Variants in SUGCT observed in about 807,000 individuals in gnomAD.
SUGCT encodes succinyl-CoA:glutarate CoA-transferase.
A neutral mutation model predicts 55.0 loss-of-function variants in SUGCT; 41 were observed. That is an observed-to-expected ratio of 0.74 (90% CI 0.58 to 0.97). The LOEUF (loss-of-function observed/expected upper bound fraction) is 0.97, where lower values mean the gene tolerates loss of function less well. Among genes scored for constraint, SUGCT ranks in the 50% least tolerant of loss-of-function variants. The probability of loss-of-function intolerance (pLI) is 0.00; values close to 1 mark genes in which losing one functional copy is unlikely to be tolerated. For synonymous variants in SUGCT, 187 were observed against 200.4 expected (o/e 0.93, Z 0.56); for missense variants, 568 against 547.8 (o/e 1.04, Z -0.37).
intron 13 of SUGCT, among the ~76,000 whole-genome samples, chr7:40,838,027 C>T (rs920735119): frequency 6.6e-5 from 10 of 152,164 alleles, no homozygotes; most frequent in African/African-American, 2.2e-4. Context: ...TCTATTTAAT[C>T]GCCTTTGCAC....
At chr7:40,984,872 C>T in the SUGCT span, among the ~76,000 whole-genome samples, 2 of 152,130 alleles carry the variant, frequency 1.3e-5, no homozygotes, top group African/African-American at 2.4e-5. Flanking sequence ...TGTTAGGAAA[C>T]GAAATGCAGG....
the SUGCT span, among the ~76,000 whole-genome samples, chr7:40,890,463 C>T: frequency 1.3e-5 from 2 of 151,608 alleles, no homozygotes; most frequent in African/African-American, 4.9e-5. Flanking sequence ...CTTGGCTCAC[C>T]CCCATGGACC....
chr7:40,374,421 G>A (rs1164230899), intron 9 of SUGCT, among the ~76,000 whole-genome samples: 3 of 152,094 alleles, frequency 2.0e-5, no homozygotes, highest in Non-Finnish European at 4.4e-5. Flanking sequence ...GAGCGTTCAA[G>A]CTCCACTTTC....
chr7:41,016,258 T>C, the SUGCT span, among the ~76,000 whole-genome samples: 1 of 152,200 alleles, frequency 6.6e-6, no homozygotes, highest in South Asian at 2.1e-4. Flanking sequence ...ATTTTTACGT[T>C]TGGTAAGTGC....
At chr7:40,543,603 G>C (rs1329564445) in intron 12 of SUGCT, among the ~76,000 whole-genome samples, 2 of 152,182 alleles carry the variant, frequency 1.3e-5, no homozygotes, top group Non-Finnish European at 2.9e-5. Flanking sequence ...AAGTTTATCT[G>C]GTGGACTGGA....
At chr7:40,402,809 A>G (rs184522914) in intron 9 of SUGCT, among the ~76,000 whole-genome samples, 21 of 152,280 alleles carry the variant, frequency 1.4e-4, no homozygotes, top group African/African-American at 1.2e-4. Context: ...GGTGAGAGGA[A>G]GTTCAATCTC....
At chr7:40,665,134 A>G (rs925835392) in intron 12 of SUGCT, among the ~76,000 whole-genome samples, 7 of 151,978 alleles carry the variant, frequency 4.6e-5, no homozygotes, top group African/African-American at 1.7e-4. Flanking sequence ...AACTTTACAA[A>G]GCAAATTTAC....
intron 13 of SUGCT, among the ~76,000 whole-genome samples, chr7:40,754,809 TC>T (rs1488016321): frequency 3.9e-5 from 6 of 152,248 alleles, no homozygotes; most frequent in Non-Finnish European, 8.8e-5. Context: ...TTTAATTACT[TC>T]AGGTATCTTT....
intron 1 of SUGCT, among the ~76,000 whole-genome samples, chr7:40,154,432 T>C (rs1584199541): frequency 1.3e-5 from 2 of 152,222 alleles, no homozygotes; most frequent in Admixed American, 1.3e-4. Context: ...TAAAGATGCC[T>C]AGTGAAAAGC....
chr7:40,171,238 C>T (rs1199306643), intron 1 of SUGCT, among the ~76,000 whole-genome samples: 6 of 152,138 alleles, frequency 3.9e-5, no homozygotes, highest in East Asian at 1.9e-4. Flanking sequence ...CTTTTTCCTA[C>T]GAGAAGAAGA....
At chr7:40,909,202 CT>C in the SUGCT span, among the ~76,000 whole-genome samples, 1 of 152,182 alleles carries the variant, frequency 6.6e-6, no homozygotes, top group African/African-American at 2.4e-5. Flanking sequence ...ACAGTTCCTT[CT>C]CGGGTCACCT....
intron 12 of SUGCT, among the ~76,000 whole-genome samples, chr7:40,732,521 A>G (rs1362478181): frequency 4.6e-5 from 7 of 152,356 alleles, no homozygotes; most frequent in South Asian, 2.1e-4. Flanking sequence ...TAAGGTGGGC[A>G]TCGGACATAG....
At chr7:40,594,337 TAAAA>T (rs1229884904) in intron 12 of SUGCT, among the ~76,000 whole-genome samples, 1 of 135,972 alleles carries the variant, frequency 7.4e-6, no homozygotes, top group Non-Finnish European at 1.6e-5. Context: ...AAAAAAAAAG[TAAAA>T]AAAAAAAAAT....
At chr7:41,013,630 G>C in the SUGCT span, among the ~76,000 whole-genome samples, 1 of 152,162 alleles carries the variant, frequency 6.6e-6, no homozygotes, top group African/African-American at 2.4e-5. Flanking sequence ...TGCATTTTGT[G>C]GGTGTGTGCA....
the SUGCT span, among the ~76,000 whole-genome samples, chr7:41,022,588 T>C: frequency 1.3e-5 from 2 of 152,090 alleles, no homozygotes; most frequent in Non-Finnish European, 2.9e-5. Flanking sequence ...AAACCAAGTA[T>C]TTGAGAAGAG....
intron 9 of SUGCT, among the ~76,000 whole-genome samples, chr7:40,335,335 G>C (rs1422136584): frequency 6.6e-6 from 1 of 151,698 alleles, no homozygotes; most frequent in Non-Finnish European, 1.5e-5. Context: ...AAATTACCTT[G>C]GGCAGTATGG....
At chr7:40,625,237 C>T (rs910229169) in intron 12 of SUGCT, among the ~76,000 whole-genome samples, 5 of 152,120 alleles carry the variant, frequency 3.3e-5, no homozygotes, top group South Asian at 2.1e-4. Context: ...CTGACCTAGA[C>T]GTGGAACTCA....
intron 11 of SUGCT, among the ~76,000 whole-genome samples, chr7:40,467,405 G>T (rs1450613848): frequency 6.6e-6 from 1 of 151,872 alleles, no homozygotes; most frequent in South Asian, 2.1e-4. Flanking sequence ...TATAATGGGG[G>T]TATCCATCAG....
chr7:40,617,179 T>A (rs755362994), intron 12 of SUGCT, among the ~76,000 whole-genome samples: 9 of 152,212 alleles, frequency 5.9e-5, no homozygotes, highest in Admixed American at 1.3e-4. Context: ...ATTATGTCTT[T>A]GAAAAATGGA....
Sources: allele counts gnomAD v4.1 joint callset (sites outside exome capture counted in the v4.1 genomes callset), GRCh38; gene constraint gnomAD v4.1.1; transcripts MANE v1.5; gene names NCBI Gene and HGNC (gene_info 2026-07-23, HGNC 2026-07-21).